YPEL1: variants seen among roughly 807,000 people sequenced by gnomAD.
The protein encoded by YPEL1 is yippee like 1.
In YPEL1, 7 loss-of-function variants were observed where a neutral mutation model predicts 17.3. That is an observed-to-expected ratio of 0.40 (90% CI 0.23 to 0.76). The LOEUF (loss-of-function observed/expected upper bound fraction) is 0.76, where lower values mean the gene tolerates loss of function less well. YPEL1 is among the 30% of genes least tolerant of loss of function. The pLI is 0.35. For missense variants in YPEL1, 91 were observed against 155.5 expected (o/e 0.59, Z 2.21); for synonymous variants, 59 against 59.6 (o/e 0.99, Z 0.05).
At chr22:21,734,944 G>A (rs2068422276) in intron 1 of YPEL1, among the ~76,000 whole-genome samples, 1 of 152,184 alleles carries the variant, frequency 6.6e-6, no homozygotes, top group Admixed American at 6.6e-5. Flanking sequence ...AACAGAAAAA[G>A]CGTGGGGCGG....
In YPEL1 at chr22:21,698,589, T is replaced by A. The variant is rs553065026; in HGVS notation, c.*2540A>T. On this transcript the variant is annotated 3_prime_UTR_variant, in exon 5 of 5. Transcript: ENST00000339468. ...GCTGGGTTCCCACATGGGAGAGGAA[T>A]GAAGACTCACTCAAAGGGAAGGGTC... The A allele has an allele frequency of 2.0e-5, 3 of 152,356 alleles. No homozygotes were observed. Among genetic ancestry groups the A allele is most frequent in the Admixed American group, 1.3e-4 (2 of 15,280 alleles). The allele number at this position is 152,356 out of a possible 1,614,324, so 9.4% of individuals were successfully genotyped here.
rs1238175019 is a variant in YPEL1 at position 21,698,637 on chromosome 22, A to T, written c.*2492T>A. On this transcript the variant is annotated 3_prime_UTR_variant, in exon 5 of 5. Transcript: ENST00000339468. Reference sequence around the variant, plus strand: ...GTCAGTTTAAGATAAGTTTTCAGTGAACTCCTTCTTCCACCCGGGAAGGTG... The same window carrying T: ...GTCAGTTTAAGATAAGTTTTCAGTGTACTCCTTCTTCCACCCGGGAAGGTG... The T allele has an allele frequency of 6.6e-6, 1 of 152,372 alleles. No individual in the cohort carries two copies. The highest frequency in any genetic ancestry group is 1.9e-4 in the East Asian group (1 of 5,338). The allele number at this position is 152,372 out of a possible 1,614,324, so 9.4% of individuals were successfully genotyped here.
intron 2 of YPEL1, among the ~76,000 whole-genome samples, chr22:21,710,281 T>C (rs1228415657): frequency 6.6e-6 from 1 of 152,206 alleles, no homozygotes; most frequent in East Asian, 1.9e-4. Flanking sequence ...AATACCCTTA[T>C]TATTAAACCA....
chr22:21,734,986 C>T (rs1015522420), intron 1 of YPEL1, among the ~76,000 whole-genome samples: 4 of 152,118 alleles, frequency 2.6e-5, no homozygotes, highest in Non-Finnish European at 5.9e-5. Context: ...TCATTATCTG[C>T]CTAAAATAGA....
chr22:21,716,510 C>A (rs1373513794), intron 1 of YPEL1, among the ~76,000 whole-genome samples: 1 of 152,276 alleles, frequency 6.6e-6, no homozygotes, highest in Non-Finnish European at 1.5e-5. Flanking sequence ...CTGGTCCCCA[C>A]CCCACAGAGC....
rs562368479 is a variant in YPEL1, at chr22:21,719,753, C to T, written c.-164-8845G>A. 3.8e-4 allele frequency among the ~76,000 whole-genome samples: 57 copies of T among 151,982 alleles called. No homozygotes were observed. In the East Asian group the frequency reaches 7.6e-3, roughly 20 times the overall value. On this transcript the variant is annotated intron_variant, in intron 1 of 4. Coordinates refer to ENST00000339468, the MANE Select transcript of YPEL1 (RefSeq NM_013313.5). ...TACAAAAATTAGCCAGGCGGCCGGA[C>T]GCGGTGGCTCACGCCTGGAATCCCA...
chr22:21,702,939 G>C (rs1000614017), intron 4 of YPEL1, among the ~76,000 whole-genome samples: 1 of 152,148 alleles, frequency 6.6e-6, no homozygotes, highest in Non-Finnish European at 1.5e-5. Flanking sequence ...TTGGGGTAAA[G>C]AGCTCATGGG....
rs2068087287 is a variant in YPEL1, at chr22:21,703,692, G to A, written c.161+147C>T. The stretch of plus-strand genomic sequence containing the variant: ...CAGGCTAGGGGGCAAGATCCTTAGC[G>A]CGTTTCAGAAACTCCCGGCGGGGGG... On this transcript the variant is annotated intron_variant, in intron 3 of 4. Transcript: ENST00000339468. This position sits in a 1 kb window ranked among gnomAD's most constrained non-coding sequence, Gnocchi z 6.1. 5.8e-6 allele frequency: 5 copies of A among 866,748 alleles called. No homozygotes were observed. Among genetic ancestry groups the A allele is most frequent in the African/African-American group, 3.6e-5 (2 of 55,250 alleles). The allele number at this position is 866,748 out of a possible 1,614,324, so 53.7% of individuals were successfully genotyped here.
intron 1 of YPEL1, among the ~76,000 whole-genome samples, chr22:21,711,404 A>G (rs574204566): frequency 6.6e-6 from 1 of 152,344 alleles, no homozygotes; most frequent in South Asian, 2.1e-4. Flanking sequence ...GAAACATGAA[A>G]GGAGAGGCAG....
At chr22:21,722,920 T>C (rs189682855) in intron 1 of YPEL1, 2 of 152,074 alleles carry the variant, frequency 1.3e-5, no homozygotes, top group Non-Finnish European at 2.9e-5. Flanking sequence ...CAGGCTGGAG[T>C]GCAGTGGCTA....
intron 1 of YPEL1, among the ~76,000 whole-genome samples, chr22:21,714,064 C>T (rs532654717): frequency 1.3e-5 from 2 of 151,292 alleles, no homozygotes; most frequent in East Asian, 1.9e-4. Flanking sequence ...CCCCATGTGA[C>T]CTCTGCTCCG....
At chr22:21,705,852 A>G (rs1396205495) in intron 2 of YPEL1, among the ~76,000 whole-genome samples, 3 of 152,106 alleles carry the variant, frequency 2.0e-5, no homozygotes, top group Non-Finnish European at 4.4e-5. Context: ...TAAATAGGCC[A>G]GGCGCGGTGG....
At chr22:21,713,769 C>A (rs1324343852) in intron 1 of YPEL1, among the ~76,000 whole-genome samples, 1 of 152,108 alleles carries the variant, frequency 6.6e-6, no homozygotes, top group Non-Finnish European at 1.5e-5. Context: ...AAGAGTGTAT[C>A]ATTTTTACAT....
At chr22:21,713,824 G>A (rs552761527) in intron 1 of YPEL1, among the ~76,000 whole-genome samples, 1 of 152,284 alleles carries the variant, frequency 6.6e-6, no homozygotes, top group East Asian at 1.9e-4. Flanking sequence ...CATGACTGAT[G>A]CTGCCATCAT....
intron 1 of YPEL1, among the ~76,000 whole-genome samples, chr22:21,712,845 A>G (rs1279263380): frequency 6.6e-6 from 1 of 152,128 alleles, no homozygotes; most frequent in Non-Finnish European, 1.5e-5. Flanking sequence ...TGATTAAAAA[A>G]TGGACAAAGG....
chr22:21,721,130 G>A (rs9607207), intron 1 of YPEL1, among the ~76,000 whole-genome samples: 3 of 150,868 alleles, frequency 2.0e-5, no homozygotes, highest in African/African-American at 7.3e-5. Context: ...GGTTTTTTGG[G>A]GGGGGGAGGG....
At chr22:21,702,800 G>A (rs1317311465) in intron 4 of YPEL1, among the ~76,000 whole-genome samples, 1 of 152,192 alleles carries the variant, frequency 6.6e-6, no homozygotes, top group African/African-American at 2.4e-5. Flanking sequence ...AGGGAAGCGG[G>A]GCAGGAAGGT....
chr22:21,718,478 TATAA>T (rs893112692), intron 1 of YPEL1, among the ~76,000 whole-genome samples: 4 of 150,616 alleles, frequency 2.7e-5, no homozygotes, highest in African/African-American at 9.7e-5. Context: ...AAAATAATAA[TATAA>T]ATAAATAAAT....
At chr22:21,705,711 AAAAC>A (rs2068108403) in intron 2 of YPEL1, among the ~76,000 whole-genome samples, 2 of 152,190 alleles carry the variant, frequency 1.3e-5, no homozygotes, top group South Asian at 4.1e-4. Flanking sequence ...CATAATTAGG[AAAAC>A]AAACAACAAC....
Sources: allele counts gnomAD v4.1 joint callset (sites outside exome capture counted in the v4.1 genomes callset), GRCh38; gene constraint gnomAD v4.1.1; non-coding constraint Gnocchi (gnomAD v3.1); transcripts MANE v1.5; gene names NCBI Gene and HGNC (gene_info 2026-07-23, HGNC 2026-07-21).